ITGB5: variants seen among roughly 807,000 people sequenced by gnomAD.
The protein encoded by ITGB5 is integrin subunit beta 5, also known as integrin beta-5.
In ITGB5, 38 loss-of-function variants were observed where a neutral mutation model predicts 84.8. That is an observed-to-expected ratio of 0.45 (90% CI 0.35 to 0.59). The LOEUF is 0.59. Ranked by LOEUF, ITGB5 falls within the 20% of genes least tolerant of loss-of-function variation. The pLI is 0.01. For missense variants in ITGB5, 905 were observed against 1,034.5 expected (o/e 0.87, Z 1.72); for synonymous variants, 393 against 414.4 (o/e 0.95, Z 0.63).
rs1413684583 is a variant in ITGB5, at chr3:124,774,463, GGAGGATGCCAAGAGCCAAGGAATGC to G, written c.1694-576_1694-552del. On this transcript the variant is annotated intron_variant, in intron 10 of 14. Transcript: ENST00000296181. ...ATGCTGGCTGCTGCTCTGAAGATGGGGAGGATGCCAAGAGCCAAGGAATGCGAGGAATGCAGCTCTGGAGGCTGGA... is the reference window on the plus strand; with the variant it reads ...ATGCTGGCTGCTGCTCTGAAGATGGGGAGGAATGCAGCTCTGGAGGCTGGA... Among the ~76,000 whole-genome samples the G allele has an allele frequency of 2.6e-5, 4 of 152,100 alleles. No homozygotes were observed. In the East Asian group the frequency reaches 5.8e-4, roughly 22 times the overall value.
At chr3:124,865,443 T>C (rs1473323143) in intron 2 of ITGB5, among the ~76,000 whole-genome samples, 1 of 149,662 alleles carries the variant, frequency 6.7e-6, no homozygotes, top group Non-Finnish European at 1.5e-5. Context: ...AGCAGCAGAA[T>C]GGCAATAGAA....
At chr3:124,883,380 G>C (rs551856591) in intron 1 of ITGB5, among the ~76,000 whole-genome samples, 98 of 152,264 alleles carry the variant, frequency 6.4e-4, no homozygotes, top group African/African-American at 2.3e-3. Context: ...GCCCTCTTCT[G>C]CCTCAATCCC....
intron 12 of ITGB5, 134 bp downstream of exon 12, chr3:124,768,879 C>T (rs890670707): frequency 1.6e-6 from 1 of 621,992 alleles, no homozygotes; most frequent in African/African-American, 1.8e-5. Context: ...ATGGTTCCAG[C>T]ACCGGGTCCT....
chr3:124,883,389 C>T (rs1316643448), intron 1 of ITGB5, among the ~76,000 whole-genome samples: 1 of 152,150 alleles, frequency 6.6e-6, no homozygotes, highest in Non-Finnish European at 1.5e-5. Context: ...TGCCTCAATC[C>T]CCTTTATAAA....
chr3:124,792,895 C>T (rs529020781), intron 10 of ITGB5: 7 of 152,118 alleles, frequency 4.6e-5, no homozygotes, highest in Non-Finnish European at 8.8e-5. Context: ...TGCATTTTCA[C>T]GCAGCTATGG....
At chr3:124,835,792 G>A (rs114912774) in intron 5 of ITGB5, among the ~76,000 whole-genome samples, 498 of 152,266 alleles carry the variant, frequency 3.3e-3, no homozygotes, top group African/African-American at 0.012. Flanking sequence ...AAAAGAAAGC[G>A]AGTCAATTCT....
chr3:124,861,072 A>T (rs1417515266), intron 2 of ITGB5, among the ~76,000 whole-genome samples: 1 of 152,026 alleles, frequency 6.6e-6, no homozygotes, highest in African/African-American at 2.4e-5. Flanking sequence ...TCTCAGAAAA[A>T]CAAAAAACAA....
At chr3:124,793,137 C>G (rs969190312) in intron 10 of ITGB5, 2 of 152,228 alleles carry the variant, frequency 1.3e-5, no homozygotes, top group African/African-American at 2.4e-5. Flanking sequence ...ATGGTGTTGG[C>G]CCATCTTAGG....
rs137856385 is a variant in ITGB5, at chr3:124,841,295, C to T, written c.780+88G>A. On this transcript the variant is annotated intron_variant, in intron 5 of 14. Coordinates refer to ENST00000296181, the MANE Select transcript of ITGB5 (RefSeq NM_002213.5). ...GTCAGGAGCCACATGCTGGGGCACT[C>T]AAAGACTCCTGCAGGAAGTACCAAC... The T allele has an allele frequency of 1.7e-4, 225 of 1,334,060 alleles. 2 individuals carry two copies. In the East Asian group the frequency reaches 5.2e-3, roughly 31 times the overall value. The allele number at this position is 1,334,060 out of a possible 1,614,324, so 82.6% of individuals were successfully genotyped here.
intron 10 of ITGB5, among the ~76,000 whole-genome samples, chr3:124,789,028 T>C (rs1000421303): frequency 1.3e-5 from 2 of 152,200 alleles, no homozygotes; most frequent in African/African-American, 4.8e-5. Context: ...ACCCTGTCTC[T>C]ATTGTAAAAC....
At chr3:124,881,912 G>C (rs1269088575) in intron 1 of ITGB5, among the ~76,000 whole-genome samples, 1 of 152,124 alleles carries the variant, frequency 6.6e-6, no homozygotes, top group Non-Finnish European at 1.5e-5. Context: ...AGGTTGCGGT[G>C]ACCAGAGATT....
intron 7 of ITGB5, 39 bp from the exon 8 acceptor site, chr3:124,817,749 T>C: frequency 8.1e-7 from 1 of 1,232,298 alleles, no homozygotes; most frequent in Middle Eastern, 1.9e-4. Context: ...AAGTTCATTT[T>C]GCCCTGCCAA....
intron 10 of ITGB5, among the ~76,000 whole-genome samples, chr3:124,795,882 A>T (rs2064214935): frequency 6.6e-6 from 1 of 152,238 alleles, no homozygotes; most frequent in Non-Finnish European, 1.5e-5. Flanking sequence ...TGGCACCTTG[A>T]TTCTAGCCAA....
chr3:124,898,643 CAAAAAA>C (rs68025034), intron 1 of ITGB5, among the ~76,000 whole-genome samples: 713 of 29,184 alleles, frequency 0.024, 7 homozygotes, highest in South Asian at 0.17. Context: ...GACTCCGTCT[CAAAAAA>C]AAAAAAAAAA....
At chr3:124,772,194 C>A (rs1469840695) in intron 11 of ITGB5, among the ~76,000 whole-genome samples, 1 of 152,196 alleles carries the variant, frequency 6.6e-6, no homozygotes, top group Non-Finnish European at 1.5e-5. Context: ...GCTGTTTCTA[C>A]TTGGATCTGT....
At chr3:124,830,819 A>G (rs1471696372) in intron 5 of ITGB5, among the ~76,000 whole-genome samples, 1 of 152,180 alleles carries the variant, frequency 6.6e-6, no homozygotes, top group Non-Finnish European at 1.5e-5. Flanking sequence ...TCCCGTCTCT[A>G]CTAAAAACAC....
intron 8 of ITGB5, among the ~76,000 whole-genome samples, chr3:124,813,891 C>A (rs1007049530): frequency 6.6e-6 from 1 of 152,158 alleles, no homozygotes; most frequent in African/African-American, 2.4e-5. Context: ...AGTTCCAACC[C>A]TCTAATCACA....
At position 124,859,316 on chromosome 3, in the gene ITGB5, C is replaced by T. The variant is rs1242169511; in HGVS notation, c.287G>A (p.Ser96Asn). ...FHVLRSLPLS[S>N]KGSGSAGWDV... ...CCAGCCTGCAGAGCCCGAACCCTTG[C>T]TGCTGAGGGGCAGGCTCCTCAGGAC... Residue 96 changes from serine to asparagine, a missense_variant, in exon 3 of 15, where the codon AGC becomes AAC. By Grantham distance (46) the Ser-to-Asn change is conservative. Around this residue, in one of 3 missense-constraint regions of ITGB5, gnomAD observed 656 missense variants for 734.7 expected, o/e 0.89. Coordinates refer to ENST00000296181, the MANE Select transcript of ITGB5 (RefSeq NM_002213.5). 3 of 1,614,072 alleles carry T rather than the reference C, an allele frequency of 1.9e-6. No homozygotes were observed. Among genetic ancestry groups the T allele is most frequent in the African/African-American group, 2.7e-5 (2 of 74,926 alleles).
At chr3:124,807,441 T>A (rs942754444) in intron 9 of ITGB5, among the ~76,000 whole-genome samples, 5 of 151,846 alleles carry the variant, frequency 3.3e-5, no homozygotes, top group East Asian at 1.9e-4. Context: ...ATAAATAAAT[T>A]ATCATTTGTA....
Sources: gnomAD v4.1 joint callset for allele counts (sites outside exome capture counted in the v4.1 genomes callset) on GRCh38, gnomAD v4.1.1 for gene constraint, gnomAD v4.1.1 regional missense constraint, MANE v1.5 for transcripts, NCBI Gene and HGNC (gene_info 2026-07-23, HGNC 2026-07-21) for gene names.